Variants in RYR3 observed in about 807,000 individuals in gnomAD.
RYR3 encodes ryanodine receptor 3.
A neutral mutation model predicts 584.3 loss-of-function variants in RYR3; 207 were observed. The observed-to-expected ratio is 0.35, with a 90% CI of 0.32 to 0.40. The LOEUF (loss-of-function observed/expected upper bound fraction) is 0.40. Among genes scored for constraint, RYR3 ranks in the 10% least tolerant of loss-of-function variants. The probability of loss-of-function intolerance (pLI) is 1.00; values close to 1 mark genes in which losing one functional copy is unlikely to be tolerated. For missense variants in RYR3, 5,616 were observed against 6,089.2 expected (o/e 0.92, Z 2.59); for synonymous variants, 2,416 against 2,248.5 (o/e 1.07, Z -2.11).
intron 5 of RYR3, chr15:33,539,134 G>A: frequency 2.4e-6 from 1 of 414,464 alleles, no homozygotes; most frequent in South Asian, 4.4e-5. Flanking sequence ...TCCATACACT[G>A]TTTTTCTGTC....
At position 33,760,039 on chromosome 15, in the gene RYR3, C is replaced by G. The variant is rs532615962; in HGVS notation, c.8705+2443C>G. On this transcript the variant is annotated intron_variant, in intron 60 of 103. Transcript: ENST00000634891. ...GAATTTCATATCCAGCCAAACTAAG[C>G]TTCATAACTGAAGAAGAAATAAAAT... Among the ~76,000 whole-genome samples, 22 of 152,270 alleles carry G rather than the reference C, an allele frequency of 1.4e-4. 1 individual carries two copies. In the South Asian group the frequency reaches 4.1e-3, roughly 29 times the overall value.
intron 70 of RYR3, among the ~76,000 whole-genome samples, chr15:33,808,727 T>C (rs1319644577): frequency 1.3e-5 from 2 of 152,166 alleles, no homozygotes; most frequent in African/African-American, 2.4e-5. Context: ...CCAGTGATAG[T>C]TGGCACACGC....
At position 33,699,759 on chromosome 15, in the gene RYR3, G is replaced by T. The variant is rs781486899; in HGVS notation, c.6305G>T (p.Arg2102Leu). 2 of 1,613,712 alleles carry T rather than the reference G, an allele frequency of 1.2e-6. No individual in the cohort carries two copies. Among genetic ancestry groups the T allele is most frequent in the Non-Finnish European group, 1.7e-6 (2 of 1,179,774 alleles). Residue 2102 changes from arginine to leucine, a missense_variant, in exon 41 of 104, where the codon CGA becomes CTA. By Grantham distance (102) the Arg-to-Leu change is moderately radical. Around this residue, in one of 9 missense-constraint regions of RYR3, gnomAD observed 1,280 missense variants for 1,426.2 expected, o/e 0.90. Coordinates refer to ENST00000634891, the MANE Select transcript of RYR3 (RefSeq NM_001036.6). ...SCCRFLCYFC[R>L]ISRQNQKAMF... is the part of the protein sequence containing the mutation. ...TGCCGTTTCCTTTGCTATTTCTGTC[G>T]AATTAGCCGGCAAAATCAGAAGGCC...
intron 10 of RYR3, among the ~76,000 whole-genome samples, chr15:33,562,564 A>G (rs770216055): frequency 1.1e-4 from 4 of 35,104 alleles, no homozygotes; most frequent in Non-Finnish European, 2.2e-4. Context: ...ACACAAAATC[A>G]GAACAGAAGA....
chr15:33,333,066 CAAAAA>C (rs1195937254), intron 1 of RYR3, among the ~76,000 whole-genome samples: 1 of 55,734 alleles, frequency 1.8e-5, no homozygotes, highest in Non-Finnish European at 3.3e-5. Context: ...GCCTACCAAC[CAAAAA>C]AAAAAAAAAA....
chr15:33,659,765 A>G lies in RYR3; in HGVS notation c.4354A>G (p.Thr1452Ala), dbSNP rs1209965692. The change falls in exon 33 of 104, where the codon ACA becomes GCA. Residue 1452 changes from threonine (T) to alanine (A), a missense_variant. Transcript: ENST00000634891. ...KVFPAVFLQP[T>A]STSLFQFELG... ...GTTTCCAGCAGTCTTCCTGCAGCCT[A>G]CAAGTACTTCTTTGTTTCAGTTTGA... 1.2e-6 allele frequency: 2 copies of G among 1,613,234 alleles called. No homozygotes were observed. Among genetic ancestry groups the G allele is most frequent in the Non-Finnish European group, 1.7e-6 (2 of 1,179,360 alleles).
intron 1 of RYR3, among the ~76,000 whole-genome samples, chr15:33,458,248 C>G (rs2047728386): frequency 6.6e-6 from 1 of 152,118 alleles, no homozygotes; most frequent in African/African-American, 2.4e-5. Flanking sequence ...TACTCACCCT[C>G]CCCAATGTGA....
At chr15:33,427,372 G>A (rs2044738100) in intron 1 of RYR3, among the ~76,000 whole-genome samples, 2 of 152,154 alleles carry the variant, frequency 1.3e-5, no homozygotes, top group South Asian at 4.1e-4. Context: ...TTCTTGGGAG[G>A]CTGAAGCAGG....
intron 35 of RYR3, 145 bp from the exon 36 acceptor site, chr15:33,663,392 A>G: frequency 1.5e-6 from 1 of 673,144 alleles, no homozygotes; most frequent in Non-Finnish European, 2.5e-6. Flanking sequence ...CTTCGACTTA[A>G]TGGTGAAGAT....
intron 1 of RYR3, among the ~76,000 whole-genome samples, chr15:33,422,727 A>G (rs2044328500): frequency 6.6e-6 from 1 of 152,196 alleles, no homozygotes; most frequent in East Asian, 1.9e-4. Context: ...CAGAGGTAGT[A>G]TGAGAGATGA....
chr15:33,682,701 C>G (rs1302768169), intron 38 of RYR3, among the ~76,000 whole-genome samples: 1 of 152,060 alleles, frequency 6.6e-6, no homozygotes, highest in Non-Finnish European at 1.5e-5. Flanking sequence ...CTTTCTTGTC[C>G]CTTTTTGAAA....
intron 38 of RYR3, among the ~76,000 whole-genome samples, chr15:33,672,146 C>T (rs1208367481): frequency 6.6e-6 from 1 of 152,048 alleles, no homozygotes; most frequent in African/African-American, 2.4e-5. Flanking sequence ...GAGAGTTTGT[C>T]ATGGCTGGCG....
At chr15:33,455,660 G>T (rs1480646328) in intron 1 of RYR3, among the ~76,000 whole-genome samples, 1 of 152,142 alleles carries the variant, frequency 6.6e-6, no homozygotes, top group Non-Finnish European at 1.5e-5. Context: ...TTGGCTGCAG[G>T]AACAGACAAT....
intron 48 of RYR3, among the ~76,000 whole-genome samples, chr15:33,732,387 C>CAA (rs3086238): frequency 0.021 from 2,778 of 130,438 alleles, 49 homozygotes; most frequent in Middle Eastern, 0.052. Flanking sequence ...GACTCCATCT[C>CAA]AAAAAAAAAA....
chr15:33,351,310 C>T (rs1567075897), intron 1 of RYR3, among the ~76,000 whole-genome samples: 2 of 152,210 alleles, frequency 1.3e-5, no homozygotes, highest in African/African-American at 2.4e-5. Flanking sequence ...GATGGATTCA[C>T]AGCCGATTTC....
intron 2 of RYR3, among the ~76,000 whole-genome samples, chr15:33,496,771 T>C (rs1051280711): frequency 2.6e-5 from 4 of 152,146 alleles, no homozygotes; most frequent in Admixed American, 6.6e-5. Flanking sequence ...CAGGCCAAGC[T>C]CTTGCCTGGG....
chr15:33,827,732 C>T (rs74008337), intron 85 of RYR3, among the ~76,000 whole-genome samples: 9,995 of 152,256 alleles, frequency 0.066, 813 homozygotes, highest in East Asian at 0.3. Context: ...AAAAAATCTA[C>T]ACAAACCTAT....
At chr15:33,853,244 G>T (rs1210102120) in intron 95 of RYR3, among the ~76,000 whole-genome samples, 157 bp downstream of exon 95, 1 of 152,160 alleles carries the variant, frequency 6.6e-6, no homozygotes, top group Non-Finnish European at 1.5e-5. Context: ...ATGAACATAT[G>T]TAGGTTTTTG....
chr15:33,433,201 C>A (rs1409435890), intron 1 of RYR3, among the ~76,000 whole-genome samples: 1 of 152,148 alleles, frequency 6.6e-6, no homozygotes, highest in Non-Finnish European at 1.5e-5. Context: ...TAAAAACTGC[C>A]ACCTGGGGTT....
Sources: gnomAD v4.1 joint callset for allele counts (sites outside exome capture counted in the v4.1 genomes callset) on GRCh38, gnomAD v4.1.1 for gene constraint, gnomAD v4.1.1 regional missense constraint, MANE v1.5 for transcripts, NCBI Gene and HGNC (gene_info 2026-07-23, HGNC 2026-07-21) for gene names.